Variants in SLC12A5 observed in about 807,000 individuals in gnomAD.
The protein encoded by SLC12A5 is K-Cl cotransporter 2.
SLC12A5 carries 18 observed loss-of-function variants against 124.0 expected under a neutral mutation model. The ratio of observed to expected loss-of-function variants is 0.15; its 90% CI spans 0.10 to 0.22. SLC12A5 has a LOEUF of 0.22. SLC12A5 is among the 10% of genes least tolerant of loss of function. The probability of loss-of-function intolerance (pLI) is 1.00; values close to 1 mark genes in which losing one functional copy is unlikely to be tolerated. For synonymous variants in SLC12A5, 589 were observed against 568.0 expected (o/e 1.04, Z -0.53); for missense variants, 867 against 1,478.7 (o/e 0.59, Z 6.78).
At position 46,056,862 on chromosome 20, in the gene SLC12A5, T is replaced by C. The variant is rs1244231687; in HGVS notation, c.3111-35T>C. ...CCTCTTTTTCTGACTCTGCTCTTTT[T>C]CTTTCTCTCTTTGCATCTCTTGTGT... On this transcript the variant is annotated intron_variant, in intron 23 of 25. Coordinates refer to ENST00000243964, the MANE Select transcript of SLC12A5 (RefSeq NM_020708.5). The surrounding 1 kb of genome is among the most constrained non-coding windows in gnomAD (Gnocchi z 4.3). 1 of 1,610,266 alleles carries C rather than the reference T, an allele frequency of 6.2e-7. No homozygotes were observed. The highest frequency in any genetic ancestry group is 1.1e-5 in the South Asian group (1 of 91,014).
rs377440728 is a variant in SLC12A5, at chr20:46,056,992, A to G, written c.3125+81A>G. ...CTCCTCACTCTGTTGTGAACCCCTA[A>G]TTGGTGCCACGACCTCTGGGATCTC... On this transcript the variant is annotated intron_variant, in intron 24 of 25. Coordinates refer to ENST00000243964, the MANE Select transcript of SLC12A5 (RefSeq NM_020708.5). The surrounding 1 kb of genome is among the most constrained non-coding windows in gnomAD (Gnocchi z 4.3). The G allele has an allele frequency of 6.2e-7, 1 of 1,602,658 alleles. No homozygotes were observed. The highest frequency in any genetic ancestry group is 8.5e-7 in the Non-Finnish European group (1 of 1,170,054).
chr20:46,047,651 G>C, intron 15 of SLC12A5, 78 bp downstream of exon 15: 4 of 1,544,442 alleles, frequency 2.6e-6, no homozygotes, highest in Non-Finnish European at 3.5e-6. Flanking sequence ...GGGTCATGAG[G>C]GATTGGGGTG....
In SLC12A5 at chr20:46,035,779, C is replaced by G. The variant is rs936201076; in HGVS notation, c.282C>G (p.Ala94=). The change falls in exon 4 of 26, where the codon GCC becomes GCG. Residue 94 remains alanine (A), a splice_region_variant and synonymous_variant. Coordinates refer to ENST00000243964, the MANE Select transcript of SLC12A5 (RefSeq NM_020708.5). ...NEGGKKKPVQ[A]PRMGTFMGVY... ...ACTGATGCTGGCCTCCCTGGCAGGCCCCACGCATGGGCACCTTCATGGGCG... is the reference window on the plus strand; with the variant it reads ...ACTGATGCTGGCCTCCCTGGCAGGCGCCACGCATGGGCACCTTCATGGGCG... The G allele has an allele frequency of 5.0e-6, 8 of 1,611,312 alleles. No homozygotes were observed. The highest frequency in any genetic ancestry group is 6.8e-6 in the Non-Finnish European group (8 of 1,178,250).
At chr20:46,041,033 C>T (rs1568861410) in intron 7 of SLC12A5, 9 of 414,098 alleles carry the variant, frequency 2.2e-5, no homozygotes, top group East Asian at 1.1e-4. Flanking sequence ...AGATCCAAGT[C>T]CACTCCATCC....
chr20:46,056,792 G>C lies in SLC12A5; in HGVS notation c.3111-105G>C, dbSNP rs1046859408. 2.8e-5 allele frequency: 37 copies of C among 1,316,298 alleles called. No homozygotes were observed. Among genetic ancestry groups the C allele is most frequent in the Non-Finnish European group, 3.9e-5 (36 of 914,774 alleles). The allele number at this position is 1,316,298 out of a possible 1,614,324, so 81.5% of individuals were successfully genotyped here. A position where few individuals can be genotyped will look rare whatever the true frequency, so the allele number is the denominator to read the frequency against. On this transcript the variant is annotated intron_variant, in intron 23 of 25. Transcript: ENST00000243964. This position sits in a 1 kb window ranked among gnomAD's most constrained non-coding sequence, Gnocchi z 4.3. ...GGTGAAGGGTGTGGGGGCTGGCAGA[G>C]CAGGACTCAGGGCAGATGACCATGG...
chr20:46,047,175 G>C (rs374842374), intron 14 of SLC12A5, among the ~76,000 whole-genome samples: 1 of 152,226 alleles, frequency 6.6e-6, no homozygotes, highest in Non-Finnish European at 1.5e-5. Context: ...ACCTGGCCAG[G>C]CCTGTCTGGC....
chr20:46,057,251 T>A lies in SLC12A5; in HGVS notation c.3207T>A (p.Leu1069=). 1 of 1,614,196 alleles carries A rather than the reference T, an allele frequency of 6.2e-7. No homozygotes were observed. Among genetic ancestry groups the A allele is most frequent in the Non-Finnish European group, 8.5e-7 (1 of 1,180,032 alleles). ...VIVKKSRDAK[L]VLLNMPGPPR... Reference sequence around the variant, plus strand: ...TGAAGAAATCCCGGGACGCCAAGCTTGTTTTGCTCAACATGCCTGGGCCTC... The same window carrying A: ...TGAAGAAATCCCGGGACGCCAAGCTAGTTTTGCTCAACATGCCTGGGCCTC... The change falls in exon 25 of 26, where the codon CTT becomes CTA. Residue 1069 remains leucine (L), a synonymous_variant. Transcript: ENST00000243964. This position sits in a 1 kb window ranked among gnomAD's most constrained non-coding sequence, Gnocchi z 7.1.
upstream of SLC12A5, among the ~76,000 whole-genome samples, chr20:46,025,833 G>A (rs1180976821): frequency 1.3e-5 from 2 of 152,106 alleles, no homozygotes; most frequent in Admixed American, 6.5e-5. Context: ...GTGAAGGAGG[G>A]CATTCAGGAC....
chr20:46,058,760 G>A lies in SLC12A5; in HGVS notation c.*1155G>A. On this transcript the variant is annotated 3_prime_UTR_variant, in exon 26 of 26. Coordinates refer to ENST00000243964, the MANE Select transcript of SLC12A5 (RefSeq NM_020708.5). The surrounding 1 kb of genome is among the most constrained non-coding windows in gnomAD (Gnocchi z 5.8). ...GTGAGGGAGGAGGGGGCCGATTCTG[G>A]TTTAGGGGCCGGACCCACTGAGAGG... The A allele has an allele frequency of 2.5e-6, 1 of 398,782 alleles. No homozygotes were observed. The highest frequency in any genetic ancestry group is 1.3e-4 in the South Asian group (1 of 7,794). The allele number at this position is 398,782 out of a possible 1,614,324, so 24.7% of individuals were successfully genotyped here.
chr20:46,035,773 G>T lies in SLC12A5; in HGVS notation c.280-4G>T. The T allele has an allele frequency of 6.2e-7, 1 of 1,609,064 alleles. No homozygotes were observed. The highest frequency in any genetic ancestry group is 8.5e-7 in the Non-Finnish European group (1 of 1,176,834). ...GCAGAGACTGATGCTGGCCTCCCTGGCAGGCCCCACGCATGGGCACCTTCA... is the reference window on the plus strand; with the variant it reads ...GCAGAGACTGATGCTGGCCTCCCTGTCAGGCCCCACGCATGGGCACCTTCA... On this transcript the variant is annotated splice_region_variant and splice_polypyrimidine_tract_variant and intron_variant, in intron 3 of 25. Transcript: ENST00000243964.
intron 7 of SLC12A5, 115 bp from the exon 8 acceptor site, chr20:46,041,214 C>A: frequency 1.3e-6 from 1 of 789,622 alleles, no homozygotes; most frequent in Non-Finnish European, 2.0e-6. Context: ...AAACGAGGAA[C>A]TCTGGATATG....
rs1258992476 is a variant in SLC12A5, at chr20:46,055,017, G to A, written c.2781G>A (p.Glu927=). 4.3e-6 allele frequency: 7 copies of A among 1,614,010 alleles called. No individual in the cohort carries two copies. The South Asian group carries it at 7.7e-5, about 18-fold the overall frequency. The change falls in exon 21 of 26, where the codon GAG becomes GAA. Residue 927 remains glutamate, a synonymous_variant. Transcript: ENST00000243964. ...KQMHLTKNER[E]REIQSITDES... ...TGCATTTAACCAAGAATGAGCGGGA[G>A]CGGGAGGTGAGGTTGCCCTGGCTGG...
chr20:46,043,580 G>A (rs750430854), intron 9 of SLC12A5, 53 bp from the exon 10 acceptor site: 181 of 1,581,846 alleles, frequency 1.1e-4, no homozygotes, highest in Middle Eastern at 3.4e-4. Context: ...TTTCTCATCT[G>A]TCTGGTCTCC....
chr20:46,053,570 G>A lies in SLC12A5; in HGVS notation c.2548-8G>A, dbSNP rs180864043. On this transcript the variant is annotated splice_region_variant and splice_polypyrimidine_tract_variant and intron_variant, in intron 19 of 25. Transcript: ENST00000243964. The surrounding 1 kb of genome is among the most constrained non-coding windows in gnomAD (Gnocchi z 4.7). ...TGGACCTTTCTGAATCCCCTTCATC[G>A]CCTGCAGGTCTGGCGGAAGTGCAAG... The A allele has an allele frequency of 7.4e-5, 120 of 1,613,320 alleles. No homozygotes were observed. The African/African-American group carries it at 1.5e-3, about 20-fold the overall frequency.
chr20:46,043,782 G>C (rs1236491427), intron 10 of SLC12A5, 51 bp downstream of exon 10: 2 of 1,612,492 alleles, frequency 1.2e-6, no homozygotes, highest in Non-Finnish European at 1.7e-6. Flanking sequence ...GCAAGAGGGA[G>C]GGCAGCTGAA....
chr20:46,055,452 T>G (rs903887721), intron 21 of SLC12A5, among the ~76,000 whole-genome samples: 2 of 151,474 alleles, frequency 1.3e-5, no homozygotes, highest in Non-Finnish European at 2.9e-5. Flanking sequence ...TCCCCTAGGG[T>G]GTGATTGATG....
chr20:46,057,493 T>G lies in SLC12A5; in HGVS notation c.3260-21T>G. On this transcript the variant is annotated intron_variant, in intron 25 of 25. Coordinates refer to ENST00000243964, the MANE Select transcript of SLC12A5 (RefSeq NM_020708.5). The surrounding 1 kb of genome is among the most constrained non-coding windows in gnomAD (Gnocchi z 7.1). ...GTCGGGAGGGAAGGAGACCGGGTCT[T>G]TCTCCTTGACCGGCTCTCAGACATG... 1.2e-6 allele frequency: 2 copies of G among 1,612,458 alleles called. No individual in the cohort carries two copies. Among genetic ancestry groups the G allele is most frequent in the Non-Finnish European group, 1.7e-6 (2 of 1,178,596 alleles).
chr20:46,025,790 G>A (rs560358854), upstream of SLC12A5, among the ~76,000 whole-genome samples: 4 of 152,308 alleles, frequency 2.6e-5, no homozygotes, highest in Admixed American at 2.0e-4. Context: ...TTTTGGGTCC[G>A]AGGATGGGGC....
At position 46,049,629 on chromosome 20, in the gene SLC12A5, C is replaced by T. The variant is rs1271881068; in HGVS notation, c.2020C>T (p.Leu674=). The change falls in exon 17 of 26, where the codon CTG becomes TTG. Residue 674 remains leucine, a synonymous_variant. Coordinates refer to ENST00000243964, the MANE Select transcript of SLC12A5 (RefSeq NM_020708.5). ...PPHTKNWRPQ[L]LVLVRVDQDQ... ...ACTCTGCACACTCTTCAGGCCACAG[C>T]TGCTGGTGCTGGTGCGTGTGGACCA... The T allele has an allele frequency of 1.9e-6, 3 of 1,602,450 alleles. No homozygotes were observed. The highest frequency in any genetic ancestry group is 2.6e-6 in the Non-Finnish European group (3 of 1,174,626).
Sources: gnomAD v4.1 joint callset for allele counts (sites outside exome capture counted in the v4.1 genomes callset) on GRCh38, gnomAD v4.1.1 for gene constraint, Gnocchi (gnomAD v3.1) non-coding constraint, MANE v1.5 for transcripts, NCBI Gene and HGNC (gene_info 2026-07-23, HGNC 2026-07-21) for gene names.